Variants in GPC3 observed in about 807,000 individuals in gnomAD.
The protein encoded by GPC3 is glypican-3.
Under a neutral mutation model 34.4 loss-of-function variants are expected in GPC3, and 3 were observed. The ratio of observed to expected loss-of-function variants is 0.09; its 90% confidence interval spans 0.04 to 0.23. The LOEUF (loss-of-function observed/expected upper bound fraction) is 0.23. GPC3 is among the 10% of genes least tolerant of loss of function. The pLI is 1.00. For missense variants in GPC3, 351 were observed against 445.6 expected, an observed-to-expected ratio of 0.79 and a Z score of 1.91; for synonymous variants, 177 against 174.0, an observed-to-expected ratio of 1.02 and a Z score of -0.13.
chrX:133,621,964 A>G (rs140938778), intron 6 of GPC3, among the ~76,000 whole-genome samples: 111 of 112,013 alleles, frequency 9.9e-4, no homozygotes, highest in Admixed American at 2.4e-3. Flanking sequence ...TTCCAGAGGA[A>G]CTATCAGGCA....
chrX:133,726,997 T>C (rs2071414996), intron 3 of GPC3, among the ~76,000 whole-genome samples: 1 of 112,161 alleles, frequency 8.9e-6, no homozygotes, highest in South Asian at 3.7e-4. Context: ...CCAGGTCTCC[T>C]GCTTCTTCTC....
At chrX:133,679,783 T>C (rs2070921804) in intron 5 of GPC3, among the ~76,000 whole-genome samples, 1 of 111,360 alleles carries the variant, frequency 9.0e-6, no homozygotes, top group Non-Finnish European at 1.9e-5. Context: ...CCCTCTCGGA[T>C]AATTGAAACT....
intron 2 of GPC3, among the ~76,000 whole-genome samples, chrX:133,868,597 A>T (rs748283366): frequency 1.8e-5 from 2 of 111,875 alleles, no homozygotes; most frequent in East Asian, 5.6e-4. Context: ...ATACAAGATA[A>T]TACTAAGTAA....
chrX:133,613,550 T>C (rs1253965842), intron 6 of GPC3, among the ~76,000 whole-genome samples: 2 of 112,351 alleles, frequency 1.8e-5, no homozygotes. Flanking sequence ...AGCATAGGGC[T>C]GCTTTTAGGA....
At chrX:133,823,128 CAAAAAAAAAAAAAAAAAAAAAAAAA>C (rs34231185) in intron 2 of GPC3, among the ~76,000 whole-genome samples, 2 of 18,871 alleles carry the variant, frequency 1.1e-4, no homozygotes, top group South Asian at 0.017. Flanking sequence ...GACTCCGTCT[CAAAAAAAAAAAAAAAAAAAAAAAAA>C]AAAAAAAAAA....
intron 3 of GPC3, among the ~76,000 whole-genome samples, chrX:133,723,543 A>T (rs776413440): frequency 6.2e-5 from 7 of 112,199 alleles, no homozygotes; most frequent in African/African-American, 1.6e-4. Context: ...GAAGCCAGAT[A>T]GGAGGTGTTT....
intron 6 of GPC3, among the ~76,000 whole-genome samples, chrX:133,631,475 C>T (rs1454064198): frequency 1.8e-5 from 2 of 111,217 alleles, no homozygotes; most frequent in African/African-American, 6.5e-5. Flanking sequence ...ATGTATATAC[C>T]AAATTTTTTC....
chrX:133,782,226 G>A (rs181925064), intron 2 of GPC3, among the ~76,000 whole-genome samples: 119 of 111,707 alleles, frequency 1.1e-3, no homozygotes, highest in Admixed American at 6.6e-3. Flanking sequence ...TGACTACCCT[G>A]CAAACTCACA....
At position 133,902,163 on chromosome X, in the gene GPC3, G is replaced by A. The variant is rs185107125; in HGVS notation, c.337+50887C>T. ...TATTTGAGCCTTTGCTATTTTATTAGGTAACAGAAAGTACAGTGATACTTC... is the reference window on the plus strand; with the variant it reads ...TATTTGAGCCTTTGCTATTTTATTAAGTAACAGAAAGTACAGTGATACTTC... On this transcript the variant is annotated intron_variant, in intron 2 of 7. Coordinates refer to ENST00000370818, the MANE Select transcript of GPC3 (RefSeq NM_004484.4). Among the ~76,000 whole-genome samples the A allele has an allele frequency of 7.1e-3, 794 of 112,181 alleles. 1 individual carries two copies. The highest frequency in any genetic ancestry group is 0.06 in the Middle Eastern group (13 of 218).
At chrX:133,889,694 T>G (rs1487421079) in intron 2 of GPC3, among the ~76,000 whole-genome samples, 1 of 109,946 alleles carries the variant, frequency 9.1e-6, no homozygotes, top group Non-Finnish European at 1.9e-5. Flanking sequence ...ATGTGCTCAG[T>G]AAGTAATTAT....
chrX:133,567,861 A>G (rs1447506649), intron 7 of GPC3, among the ~76,000 whole-genome samples: 1 of 112,283 alleles, frequency 8.9e-6, no homozygotes, highest in Non-Finnish European at 1.9e-5. Flanking sequence ...CATTATATAC[A>G]CATAAAATAT....
intron 5 of GPC3, among the ~76,000 whole-genome samples, chrX:133,664,676 G>GAAC (rs373352852): frequency 2.5e-3 from 273 of 110,990 alleles, no homozygotes; most frequent in African/African-American, 8.4e-3. Context: ...TGAGGGAAAG[G>GAAC]AACACTTTTT....
At chrX:133,600,724 G>A (rs932380877) in intron 6 of GPC3, among the ~76,000 whole-genome samples, 27 of 111,691 alleles carry the variant, frequency 2.4e-4, no homozygotes, top group Non-Finnish European at 4.9e-4. Flanking sequence ...TAGGCAGCCT[G>A]GAATTTGGCC....
intron 3 of GPC3, among the ~76,000 whole-genome samples, chrX:133,707,035 G>A (rs1260941972): frequency 8.9e-6 from 1 of 112,075 alleles, no homozygotes; most frequent in African/African-American, 3.2e-5. Flanking sequence ...AAACAAGCAT[G>A]AAATATTGCC....
At chrX:133,885,945 TGAAGA>T (rs1328075804) in intron 2 of GPC3, among the ~76,000 whole-genome samples, 3 of 111,534 alleles carry the variant, frequency 2.7e-5, no homozygotes, top group African/African-American at 6.5e-5. Context: ...TGAAATGTAC[TGAAGA>T]GAAGAAAAAA....
chrX:133,641,541 TAGAA>T (rs1390080658), intron 6 of GPC3, among the ~76,000 whole-genome samples: 1 of 106,756 alleles, frequency 9.4e-6, no homozygotes, highest in African/African-American at 3.4e-5. Context: ...AGGTAGAGAA[TAGAA>T]AGAGAGAGGC....
chrX:133,788,088 TTATATATATATATATATATA>T (rs56318773), intron 2 of GPC3, among the ~76,000 whole-genome samples: 3 of 64,945 alleles, frequency 4.6e-5, no homozygotes, highest in Non-Finnish European at 7.8e-5. Context: ...TCATATTATT[TTATATATATATATATATATA>T]TATATATATA....
At chrX:133,676,191 A>T (rs2124415409) in intron 5 of GPC3, among the ~76,000 whole-genome samples, 1 of 112,436 alleles carries the variant, frequency 8.9e-6, no homozygotes, top group South Asian at 3.8e-4. Context: ...TAAGTGTTAG[A>T]TTTGTCCAAG....
intron 2 of GPC3, among the ~76,000 whole-genome samples, chrX:133,854,163 G>A (rs1289503708): frequency 9.0e-6 from 1 of 111,279 alleles, no homozygotes; most frequent in Non-Finnish European, 1.9e-5. Context: ...TGTGTTTGTG[G>A]ATTTGATACC....
Sources: allele counts gnomAD v4.1 joint callset (sites outside exome capture counted in the v4.1 genomes callset), GRCh38; gene constraint gnomAD v4.1.1; transcripts MANE v1.5; gene names NCBI Gene and HGNC (gene_info 2026-07-23, HGNC 2026-07-21).